ELMO1: variants seen among roughly 807,000 people sequenced by gnomAD.
ELMO1 encodes the protein engulfment and cell motility 1.
ELMO1 carries 26 observed loss-of-function variants against 98.9 expected under a neutral mutation model. The observed-to-expected ratio is 0.26, with a 90% CI of 0.19 to 0.36. ELMO1 has a LOEUF of 0.36. Ranked by LOEUF, ELMO1 falls within the 10% of genes least tolerant of loss-of-function variation. ELMO1 has a pLI of 1.00. For synonymous variants in ELMO1, 346 were observed against 346.0 expected (o/e 1.00, Z 0.00); for missense variants, 627 against 935.2 (o/e 0.67, Z 4.30).
chr7:37,177,313 T>C (rs1790550069), intron 13 of ELMO1, among the ~76,000 whole-genome samples: 1 of 151,982 alleles, frequency 6.6e-6, no homozygotes. Context: ...AAGCAAAATA[T>C]ACTAGCAATT....
chr7:37,341,581 ATTTGAG>A (rs540212905), intron 2 of ELMO1, among the ~76,000 whole-genome samples: 6 of 152,310 alleles, frequency 3.9e-5, no homozygotes, highest in East Asian at 3.9e-4. Context: ...CCTTTCTTAC[ATTTGAG>A]TTTAAGTTCA....
intron 16 of ELMO1, among the ~76,000 whole-genome samples, chr7:37,009,084 T>A (rs1451180494): frequency 6.6e-6 from 1 of 152,154 alleles, no homozygotes; most frequent in Non-Finnish European, 1.5e-5. Flanking sequence ...AGTGGAGTAG[T>A]TAGCCACACA....
intron 7 of ELMO1, among the ~76,000 whole-genome samples, chr7:37,242,094 C>A (rs1794792507): frequency 6.6e-6 from 1 of 152,096 alleles, no homozygotes; most frequent in Non-Finnish European, 1.5e-5. Flanking sequence ...TTTTCCTCTC[C>A]TTTTGGGACT....
intron 13 of ELMO1, among the ~76,000 whole-genome samples, chr7:37,166,025 T>C (rs1454754927): frequency 1.3e-5 from 2 of 152,218 alleles, no homozygotes; most frequent in Non-Finnish European, 2.9e-5. Context: ...CTCCTGTTAT[T>C]GGTCTATTCA....
rs146859543 is a variant in ELMO1, at chr7:36,998,577, C to T, written c.1437+14722G>A. Among the ~76,000 whole-genome samples, 237 of 151,910 alleles carry T rather than the reference C, an allele frequency of 1.6e-3. 3 individuals are homozygous for T. In the East Asian group the frequency reaches 0.033, roughly 21 times the overall value. On this transcript the variant is annotated intron_variant, in intron 16 of 21. Coordinates refer to ENST00000310758, the MANE Select transcript of ELMO1 (RefSeq NM_014800.11). ...TATCTGTATATCTATATCTATCTTG[C>T]ATGTATGTTCATTTCCAAAGTCACA...
At chr7:37,374,016 T>A (rs558046273) in intron 1 of ELMO1, among the ~76,000 whole-genome samples, 75 of 152,380 alleles carry the variant, frequency 4.9e-4, no homozygotes, top group African/African-American at 1.7e-3. Flanking sequence ...GTTTCTCATT[T>A]TAACTAGAGG....
chr7:37,325,671 C>T (rs912322260), intron 2 of ELMO1, among the ~76,000 whole-genome samples: 1 of 152,256 alleles, frequency 6.6e-6, no homozygotes, highest in East Asian at 1.9e-4. Flanking sequence ...TGAGGTGGTA[C>T]AGCACAGCAC....
intron 16 of ELMO1, among the ~76,000 whole-genome samples, chr7:36,953,839 TTGTGTGTG>T (rs10522376): frequency 0.047 from 6,397 of 136,034 alleles, 177 homozygotes; most frequent in Middle Eastern, 0.088. Context: ...TGGGTATGTT[TTGTGTGTG>T]TGTGTGTGTG....
At chr7:37,112,456 A>C (rs912705072) in intron 14 of ELMO1, among the ~76,000 whole-genome samples, 1 of 152,156 alleles carries the variant, frequency 6.6e-6, no homozygotes, top group African/African-American at 2.4e-5. Flanking sequence ...GAGCATCACC[A>C]GTCAAGTACT....
intron 21 of ELMO1, among the ~76,000 whole-genome samples, chr7:36,857,050 G>A (rs1001486514): frequency 1.3e-5 from 2 of 152,172 alleles, no homozygotes; most frequent in East Asian, 1.9e-4. Context: ...GAAATCTTCC[G>A]TGATGCACAT....
chr7:36,861,863 C>CTGA, intron 20 of ELMO1, 127 bp from the exon 21 acceptor site: 1 of 829,124 alleles, frequency 1.2e-6, no homozygotes, highest in Non-Finnish European at 2.0e-6. Context: ...TGCAATGAGG[C>CTGA]TGATGGAAGG....
chr7:37,193,290 C>T (rs1239670879), intron 13 of ELMO1, among the ~76,000 whole-genome samples: 1 of 152,138 alleles, frequency 6.6e-6, no homozygotes, highest in Non-Finnish European at 1.5e-5. Flanking sequence ...GGTGGGGCTA[C>T]GCAGCCCAAC....
At chr7:37,319,732 A>C (rs1799381792) in intron 2 of ELMO1, among the ~76,000 whole-genome samples, 1 of 152,162 alleles carries the variant, frequency 6.6e-6, no homozygotes, top group Admixed American at 6.5e-5. Context: ...TGTGACATAC[A>C]CATTTACAAG....
At chr7:37,212,564 C>T (rs1293812099) in intron 12 of ELMO1, among the ~76,000 whole-genome samples, 1 of 152,196 alleles carries the variant, frequency 6.6e-6, no homozygotes, top group Non-Finnish European at 1.5e-5. Context: ...GGCACATTCA[C>T]CGCCTCTCAA....
chr7:36,997,214 G>C (rs1792286435), intron 16 of ELMO1, among the ~76,000 whole-genome samples: 1 of 152,200 alleles, frequency 6.6e-6, no homozygotes, highest in Admixed American at 6.5e-5. Flanking sequence ...AGTGATTCTT[G>C]AGAGGAATGA....
chr7:37,245,880 G>A (rs992833520), intron 6 of ELMO1, among the ~76,000 whole-genome samples: 12 of 152,162 alleles, frequency 7.9e-5, no homozygotes, highest in African/African-American at 1.2e-4. Context: ...TCAGGGACAC[G>A]CTGAGCATCA....
chr7:37,276,033 A>T (rs1796812905), intron 4 of ELMO1, among the ~76,000 whole-genome samples: 1 of 152,196 alleles, frequency 6.6e-6, no homozygotes, highest in African/African-American at 2.4e-5. Context: ...TGCATAGCTT[A>T]AAAGTGATGG....
rs1040580760 is a variant in ELMO1, at chr7:36,898,259, A to G, written c.1438-3242T>C. Among the ~76,000 whole-genome samples the G allele has an allele frequency of 2.0e-5, 3 of 152,352 alleles. No homozygotes were observed. In the Middle Eastern group the frequency reaches 0.01, roughly 518 times the overall value. The stretch of plus-strand genomic sequence containing the variant: ...CTTAACTCTATCTTCTTTAGAAAAC[A>G]TCACACCCTTTACCATTTGTTTGAA... On this transcript the variant is annotated intron_variant, in intron 16 of 21. Coordinates refer to ENST00000310758, the MANE Select transcript of ELMO1 (RefSeq NM_014800.11).
chr7:36,925,945 G>A (rs920666101), intron 16 of ELMO1, among the ~76,000 whole-genome samples: 20 of 152,254 alleles, frequency 1.3e-4, no homozygotes, highest in African/African-American at 4.6e-4. Context: ...AGACCCAGCA[G>A]CGACACCCAG....
Sources: gnomAD v4.1 joint callset for allele counts (sites outside exome capture counted in the v4.1 genomes callset) on GRCh38, gnomAD v4.1.1 for gene constraint, MANE v1.5 for transcripts, NCBI Gene and HGNC (gene_info 2026-07-23, HGNC 2026-07-21) for gene names.